The following RTF2 variants were observed in gnomAD, a reference collection of about 807,000 sequenced individuals.
The protein encoded by RTF2 is UPF0549 protein C20orf43.
A neutral mutation model predicts 38.0 loss-of-function variants in RTF2; 18 were observed. The observed-to-expected ratio is 0.47, with a 90% confidence interval of 0.33 to 0.70. RTF2 has a LOEUF of 0.70. Among genes scored for constraint, RTF2 ranks in the 30% least tolerant of loss-of-function variants. The pLI is 0.02. For synonymous variants in RTF2, 126 were observed against 137.1 expected, an observed-to-expected ratio of 0.92 and a Z score of 0.57; for missense variants, 311 against 379.6, an observed-to-expected ratio of 0.82 and a Z score of 1.50.
chr20:56,474,926 A>G (rs1027069778), intron 3 of RTF2, among the ~76,000 whole-genome samples, 155 bp downstream of exon 3: 2 of 152,230 alleles, frequency 1.3e-5, no homozygotes, highest in East Asian at 1.9e-4. Flanking sequence ...GGTCACTTAA[A>G]TCTCAAGCCA....
intron 1 of RTF2, chr20:56,472,426 A>G: frequency 6.7e-7 from 1 of 1,495,112 alleles, no homozygotes; most frequent in South Asian, 1.2e-5. Context: ...GTATGTGAAA[A>G]TGTCATTCGA....
At chr20:56,492,964 G>A (rs1983263818) in intron 5 of RTF2, among the ~76,000 whole-genome samples, 2 of 152,032 alleles carry the variant, frequency 1.3e-5, no homozygotes, top group Non-Finnish European at 2.9e-5. Context: ...GATCACGAGG[G>A]CAGGAGATCA....
rs552065234 is a variant in RTF2 at position 56,499,824 on chromosome 20, C to T, written c.478-13491C>T. Among the ~76,000 whole-genome samples, 35 of 152,050 alleles carry T rather than the reference C, an allele frequency of 2.3e-4. 1 individual carries two copies. Among genetic ancestry groups the T allele is most frequent in the African/African-American group, 7.5e-4 (31 of 41,506 alleles). ...CAGTCTCAGCTCACTGCAACCTCTG[C>T]CTCCCCGGTTGAAGCGATTCTCCTG... On this transcript the variant is annotated intron_variant, in intron 5 of 8. Transcript: ENST00000357348.
chr20:56,498,726 A>G (rs1010892388), intron 5 of RTF2, among the ~76,000 whole-genome samples: 5 of 152,214 alleles, frequency 3.3e-5, no homozygotes, highest in Admixed American at 1.3e-4. Context: ...GATAGGTAAC[A>G]TGTCAAGCTT....
chr20:56,484,808 T>C (rs1982704647), intron 5 of RTF2, among the ~76,000 whole-genome samples: 1 of 152,154 alleles, frequency 6.6e-6, no homozygotes, highest in South Asian at 2.1e-4. Flanking sequence ...CCAGAATGTG[T>C]GTGTGTCTTG....
rs1451473003 is a variant in RTF2, at chr20:56,519,294, G to T, written c.*1029G>T. ...TGTGGGAGACACAGACACGTGGGCAGAACTCCAGGGAGAGGCCAGCAAGGG... is the reference window on the plus strand; with the variant it reads ...TGTGGGAGACACAGACACGTGGGCATAACTCCAGGGAGAGGCCAGCAAGGG... On this transcript the variant is annotated 3_prime_UTR_variant, in exon 9 of 9. Coordinates refer to ENST00000357348, the MANE Select transcript of RTF2 (RefSeq NM_016407.5). 6.6e-6 allele frequency: 1 copy of T among 152,218 alleles called. No homozygotes were observed. The highest frequency in any genetic ancestry group is 1.5e-5 in the Non-Finnish European group (1 of 68,048). The allele number at this position is 152,218 out of a possible 1,614,324, so 9.4% of individuals were successfully genotyped here.
intron 2 of RTF2, among the ~76,000 whole-genome samples, chr20:56,474,092 A>C (rs6024902): frequency 6.6e-6 from 1 of 152,122 alleles, no homozygotes; most frequent in South Asian, 2.1e-4. Context: ...TAAAAAAAGA[A>C]GAAATACGTA....
chr20:56,491,660 T>C (rs1293699630), intron 5 of RTF2: 13 of 1,552,166 alleles, frequency 8.4e-6, no homozygotes, highest in South Asian at 1.2e-5. Context: ...GTGCCGCCGC[T>C]CTAAGCAGGT....
intron 5 of RTF2, among the ~76,000 whole-genome samples, chr20:56,505,641 C>CAAATAGCT (rs1984220675): frequency 6.6e-6 from 1 of 151,990 alleles, no homozygotes; most frequent in South Asian, 2.1e-4. Flanking sequence ...AGGAGGAAGC[C>CAAATAGCT]ATTCTAAGCC....
rs1464605185 is a variant in RTF2 at position 56,518,217 on chromosome 20, C to A, written c.873C>A (p.Ser291=). 6.2e-7 allele frequency: 1 copy of A among 1,614,134 alleles called. No homozygotes were observed. Among genetic ancestry groups the A allele is most frequent in the African/African-American group, 1.3e-5 (1 of 75,056 alleles). The change falls in exon 9 of 9, where the codon TCC becomes TCA. Residue 291 remains serine, a synonymous_variant. Transcript: ENST00000357348. ...LFTTHSSAKR[S]KEESAHWVTH... ...CCACTCACAGCTCCGCCAAGCGCTCCAAGGAGGAGTCTGCCCACTGGGTCA... is the reference window on the plus strand; with the variant it reads ...CCACTCACAGCTCCGCCAAGCGCTCAAAGGAGGAGTCTGCCCACTGGGTCA...
chr20:56,487,898 G>T (rs563597873), intron 5 of RTF2, among the ~76,000 whole-genome samples: 1 of 152,120 alleles, frequency 6.6e-6, no homozygotes, highest in Non-Finnish European at 1.5e-5. Flanking sequence ...CACCAGTCCC[G>T]GTACTGGATT....
Position 56,484,244 on chromosome 20 carries a change from G to A in RTF2, c.477+55G>A. On this transcript the variant is annotated intron_variant, in intron 5 of 8. Coordinates refer to ENST00000357348, the MANE Select transcript of RTF2 (RefSeq NM_016407.5). The stretch of plus-strand genomic sequence containing the variant: ...TTCTCTGTAGCTGAGGAAATCAGAT[G>A]GTTTAGGGTCCTTTCCCTCCATTTG... 1.4e-6 allele frequency: 2 copies of A among 1,383,952 alleles called. 1 individual carries two copies. Among genetic ancestry groups the A allele is most frequent in the South Asian group, 2.3e-5 (2 of 86,294 alleles). 85.7% of individuals were successfully genotyped at this position (1,383,952 alleles called of 1,614,324 possible).
intron 6 of RTF2, among the ~76,000 whole-genome samples, chr20:56,515,050 A>T (rs540554473): frequency 1.5e-4 from 23 of 151,882 alleles, no homozygotes; most frequent in African/African-American, 5.6e-4. Context: ...AAAAAAAAAA[A>T]GCCGCTTGGC....
chr20:56,498,108 A>AC (rs1555811654), intron 5 of RTF2, among the ~76,000 whole-genome samples: 1 of 152,074 alleles, frequency 6.6e-6, no homozygotes, highest in Non-Finnish European at 1.5e-5. Context: ...TATTGCCCTT[A>AC]TTAGGGAGAT....
rs571625001 is a variant in RTF2 at position 56,513,276 on chromosome 20, T to G, written c.478-39T>G. On this transcript the variant is annotated intron_variant, in intron 5 of 8. Coordinates refer to ENST00000357348, the MANE Select transcript of RTF2 (RefSeq NM_016407.5). ...ACTGAAGCGTGGCCTCCCCATTGACTGGTGATGGAATCTGCCCTCTCTTGT... is the reference window on the plus strand; with the variant it reads ...ACTGAAGCGTGGCCTCCCCATTGACGGGTGATGGAATCTGCCCTCTCTTGT... 71 of 1,561,136 alleles carry G rather than the reference T, an allele frequency of 4.5e-5. No homozygotes were observed. In the South Asian group the frequency reaches 7.9e-4, roughly 17 times the overall value.
intron 5 of RTF2, among the ~76,000 whole-genome samples, chr20:56,485,129 G>A (rs886440790): frequency 2.0e-5 from 3 of 152,138 alleles, no homozygotes; most frequent in Non-Finnish European, 2.9e-5. Flanking sequence ...GATTGTGACC[G>A]ATGCTAGGAA....
chr20:56,486,349 A>G (rs917325775), intron 5 of RTF2, among the ~76,000 whole-genome samples: 21 of 152,166 alleles, frequency 1.4e-4, no homozygotes, highest in Admixed American at 5.9e-4. Context: ...TAGCCTAGGA[A>G]TATAAAGTTA....
intron 5 of RTF2, chr20:56,495,203 T>G (rs1983435373): frequency 6.5e-7 from 1 of 1,547,192 alleles, no homozygotes; most frequent in Non-Finnish European, 8.7e-7. Context: ...TCTTTTTACC[T>G]TTACATCCAT....
intron 5 of RTF2, chr20:56,497,475 C>T: frequency 4.6e-6 from 7 of 1,509,122 alleles, no homozygotes; most frequent in Non-Finnish European, 6.2e-6. Flanking sequence ...GTAAAAGCCA[C>T]ATTCTACTAC....
Sources: gnomAD v4.1 joint callset for allele counts (sites outside exome capture counted in the v4.1 genomes callset) on GRCh38, gnomAD v4.1.1 for gene constraint, MANE v1.5 for transcripts, NCBI Gene and HGNC (gene_info 2026-07-23, HGNC 2026-07-21) for gene names.